The following ALMS1 variants were observed in gnomAD, a reference collection of about 807,000 sequenced individuals.
The protein encoded by ALMS1 is centrosome-associated protein ALMS1.
In ALMS1, 271 loss-of-function variants were observed where a neutral mutation model predicts 352.2. The observed-to-expected ratio is 0.77, with a 90% CI of 0.70 to 0.85. The LOEUF is 0.85. ALMS1 is among the 40% of genes least tolerant of loss of function. The pLI is 0.00. For synonymous variants in ALMS1, 1,865 were observed against 1,761.2 expected (o/e 1.06, Z -1.48); for missense variants, 5,445 against 4,870.7 (o/e 1.12, Z -3.51).
chr2:73,536,988 A>G (rs1674043111), intron 12 of ALMS1, among the ~76,000 whole-genome samples: 1 of 152,150 alleles, frequency 6.6e-6, no homozygotes, highest in Non-Finnish European at 1.5e-5. Flanking sequence ...AGAGGATGCA[A>G]AATGGAGCTG....
In ALMS1 at chr2:73,453,971, C is replaced by A. The variant is rs1406670493; in HGVS notation, c.7444C>A (p.His2482Asn). 1.1e-5 allele frequency: 17 copies of A among 1,613,644 alleles called. No homozygotes were observed. The highest frequency in any genetic ancestry group is 1.4e-5 in the Non-Finnish European group (17 of 1,179,930). ...TAGCAGTGTAGATTCACTGGCTGCA[C>A]ATGTGAAAAACCTTCTGCAATGTGA... Reference protein sequence around the residue: ...GGSSVDSLAAHVKNLLQCESS... With the variant: ...GGSSVDSLAANVKNLLQCESS... Residue 2482 changes from histidine to asparagine, a missense_variant, in exon 8 of 23, where the codon CAT (histidine) becomes AAT (asparagine). His to Asn is a moderately conservative substitution (Grantham distance 68). Coordinates refer to ENST00000613296, the MANE Select transcript of ALMS1 (RefSeq NM_001378454.1).
At chr2:73,589,820 C>T (rs1675386897) in intron 16 of ALMS1, among the ~76,000 whole-genome samples, 1 of 152,166 alleles carries the variant, frequency 6.6e-6, no homozygotes, top group Admixed American at 6.5e-5. Context: ...GTCCATGTCC[C>T]CTTATGCGTC....
intron 15 of ALMS1, among the ~76,000 whole-genome samples, chr2:73,559,562 T>C (rs1674616196): frequency 6.6e-6 from 1 of 152,126 alleles, no homozygotes; most frequent in South Asian, 2.1e-4. Context: ...ATGGGTCTCT[T>C]TTTCTGACAT....
At chr2:73,514,124 C>T (rs1218391277) in intron 10 of ALMS1, among the ~76,000 whole-genome samples, 1 of 152,144 alleles carries the variant, frequency 6.6e-6, no homozygotes, top group East Asian at 1.9e-4. Context: ...CAGTAAAGTG[C>T]ATCACTTGTC....
chr2:73,460,946 C>T (rs181390812), intron 9 of ALMS1, among the ~76,000 whole-genome samples: 6 of 152,218 alleles, frequency 3.9e-5, no homozygotes, highest in South Asian at 2.1e-4. Context: ...CCTGGAAGCT[C>T]GAACTGGGTG....
At chr2:73,572,089 G>A (rs1674940723) in intron 15 of ALMS1, among the ~76,000 whole-genome samples, 173 bp from the exon 16 acceptor site, 1 of 152,138 alleles carries the variant, frequency 6.6e-6, no homozygotes, top group Admixed American at 6.6e-5. Context: ...GTACCAGCGA[G>A]GCTACTAAGA....
Position 73,453,854 on chromosome 2 carries a change from C to G in ALMS1, c.7327C>G (p.Leu2443Val). 1 of 1,614,076 alleles carries G rather than the reference C, an allele frequency of 6.2e-7. No individual in the cohort carries two copies. Among genetic ancestry groups the G allele is most frequent in the Non-Finnish European group, 8.5e-7 (1 of 1,179,992 alleles). Reference protein sequence around the residue: ...PESLESVSDVLLNFFPYVSPK... With the variant: ...PESLESVSDVVLNFFPYVSPK... ...GTCTTTGGAATCAGTTTCTGATGTT[C>G]TTCTAAACTTCTTTCCATATGTTTC... The change falls in exon 8 of 23, where the codon CTT becomes GTT. Residue 2443 changes from leucine (L) to valine (V), a missense_variant. Coordinates refer to ENST00000613296, the MANE Select transcript of ALMS1 (RefSeq NM_001378454.1).
At chr2:73,603,957 A>G (rs1675757798) in intron 21 of ALMS1, 1 of 152,826 alleles carries the variant, frequency 6.5e-6, no homozygotes, top group Non-Finnish European at 1.5e-5. Flanking sequence ...AATTGATCCC[A>G]TAGGGTGAGA....
rs749496245 is a variant in ALMS1, at chr2:73,408,719, C to A, written c.422C>A (p.Thr141Lys). The A allele has an allele frequency of 7.4e-6, 12 of 1,612,778 alleles. No individual in the cohort carries two copies. Among genetic ancestry groups the A allele is most frequent in the Non-Finnish European group, 9.3e-6 (11 of 1,179,698 alleles). The change falls in exon 2 of 23, where the codon ACA becomes AAA. Residue 141 changes from threonine (T) to lysine (K), a missense_variant. By Grantham distance (78) the Thr-to-Lys change is moderately conservative. Transcript: ENST00000613296. ...ACTAATGTGGTCTGTTTGGAAACAA[C>A]AGCTCAGCGGGGTTCTGGGGATGAT... ...SDTNVVCLETTAQRGSGDDQK... is the reference protein window; with the variant it reads ...SDTNVVCLETKAQRGSGDDQK...
At chr2:73,488,177 C>T (rs1672896160) in intron 9 of ALMS1, among the ~76,000 whole-genome samples, 1 of 152,184 alleles carries the variant, frequency 6.6e-6, no homozygotes. Context: ...CCATGGCACA[C>T]CCAGGCTGTT....
intron 13 of ALMS1, among the ~76,000 whole-genome samples, chr2:73,551,800 A>G (rs1464316972): frequency 6.6e-6 from 1 of 152,020 alleles, no homozygotes; most frequent in East Asian, 1.9e-4. Flanking sequence ...TAGCTGATAG[A>G]TGATAATATT....
intron 7 of ALMS1, among the ~76,000 whole-genome samples, chr2:73,442,610 G>A (rs1671740731): frequency 6.6e-6 from 1 of 152,104 alleles, no homozygotes; most frequent in Non-Finnish European, 1.5e-5. Flanking sequence ...AAAGAGTCTC[G>A]ATGATTGTTT....
Position 73,453,145 on chromosome 2 carries a change from A to C in ALMS1, c.6618A>C (p.Ile2206=). The change falls in exon 8 of 23, where the codon ATA becomes ATC. Residue 2206 remains isoleucine, a synonymous_variant. Transcript: ENST00000613296. ...KLVSEHVQRL[I]DNLNSSDSSV... ...TTTCAGAACATGTCCAAAGGCTAAT[A>C]GATAATTTGAATTCTTCTGACTCCA... is the stretch of plus-strand genomic sequence containing the variant. 1 of 1,614,098 alleles carries C rather than the reference A, an allele frequency of 6.2e-7. No homozygotes were observed. The highest frequency in any genetic ancestry group is 8.5e-7 in the Non-Finnish European group (1 of 1,179,994).
At chr2:73,531,662 T>TG (rs1673916212) in intron 11 of ALMS1, among the ~76,000 whole-genome samples, 1 of 152,246 alleles carries the variant, frequency 6.6e-6, no homozygotes, top group South Asian at 2.1e-4. Context: ...ACCAATTCTT[T>TG]GTATTCATTT....
intron 12 of ALMS1, among the ~76,000 whole-genome samples, chr2:73,546,504 GT>G (rs1382471715): frequency 6.6e-6 from 1 of 152,196 alleles, no homozygotes; most frequent in East Asian, 1.9e-4. Flanking sequence ...CTATAATGGA[GT>G]TTATGTTCAC....
At chr2:73,535,642 T>G (rs1674012149) in intron 12 of ALMS1, among the ~76,000 whole-genome samples, 1 of 152,224 alleles carries the variant, frequency 6.6e-6, no homozygotes, top group Non-Finnish European at 1.5e-5. Flanking sequence ...TAAACTATCC[T>G]GCAGCATCCC....
chr2:73,504,840 C>T (rs11899542), intron 10 of ALMS1, among the ~76,000 whole-genome samples: 2,457 of 152,182 alleles, frequency 0.016, 67 homozygotes, highest in African/African-American at 0.056. Context: ...ATCAACTCGT[C>T]ATCTACATTA....
At chr2:73,422,804 GTAAA>G in intron 3 of ALMS1, 49 bp from the exon 4 acceptor site, 2 of 1,413,554 alleles carry the variant, frequency 1.4e-6, no homozygotes, top group South Asian at 1.2e-5. Context: ...ATATACGTAA[GTAAA>G]TAATCAATTT....
At chr2:73,543,735 A>G (rs962791776) in intron 12 of ALMS1, among the ~76,000 whole-genome samples, 15 of 152,228 alleles carry the variant, frequency 9.9e-5, no homozygotes, top group African/African-American at 3.4e-4. Context: ...TCAAAAGAAG[A>G]CATTTATGCA....
Sources: gnomAD v4.1 joint callset for allele counts (sites outside exome capture counted in the v4.1 genomes callset) on GRCh38, gnomAD v4.1.1 for gene constraint, MANE v1.5 for transcripts, NCBI Gene and HGNC (gene_info 2026-07-23, HGNC 2026-07-21) for gene names.